HS1BP3: variants seen among roughly 807,000 people sequenced by gnomAD.
The protein encoded by HS1BP3 is HCLS1-binding protein 3.
A neutral mutation model predicts 33.5 loss-of-function variants in HS1BP3; 32 were observed. That is an observed-to-expected ratio of 0.95 (90% CI 0.72 to 1.28). The LOEUF (loss-of-function observed/expected upper bound fraction) is 1.28. Ranked by LOEUF, HS1BP3 falls within the 50% of genes most tolerant of loss-of-function variation. The pLI is 0.00. For synonymous variants in HS1BP3, 187 were observed against 209.2 expected, an observed-to-expected ratio of 0.89 and a Z score of 0.92; for missense variants, 486 against 502.3, an observed-to-expected ratio of 0.97 and a Z score of 0.31.
At chr2:20,634,927 G>A (rs1343466135) in intron 4 of HS1BP3, 1 of 152,168 alleles carries the variant, frequency 6.6e-6, no homozygotes, top group East Asian at 1.9e-4. Context: ...GCAGGCAGGT[G>A]CATTTGTTCA....
the HS1BP3 span, among the ~76,000 whole-genome samples, chr2:20,553,990 G>A: frequency 6.6e-6 from 1 of 152,178 alleles, no homozygotes; most frequent in Admixed American, 6.5e-5. Flanking sequence ...AGCAATACCA[G>A]GAACCAGAGT....
chr2:20,558,736 G>C (rs1334127290), downstream of HS1BP3, among the ~76,000 whole-genome samples: 2 of 152,202 alleles, frequency 1.3e-5, no homozygotes, highest in African/African-American at 2.4e-5. Context: ...TGCAGTGGTA[G>C]AGACACTGGA....
chr2:20,646,200 TCC>T (rs1695515515), intron 1 of HS1BP3, among the ~76,000 whole-genome samples: 1 of 152,200 alleles, frequency 6.6e-6, no homozygotes, highest in South Asian at 2.1e-4. Flanking sequence ...ATTAAATACA[TCC>T]CTCATCCTAC....
rs182823495 is a variant in HS1BP3 at position 20,608,846 on chromosome 2, T to C, written c.179-10581A>G. On this transcript the variant is annotated intron_variant, in intron 2 of 3. Coordinates refer to the HS1BP3 transcript ENST00000415264. ...GCTCTATCTTTCAAACCAAGAGTTT[T>C]TTGCGGAGTTCCTATGCCTCACTCC... 2.1e-3 allele frequency among the ~76,000 whole-genome samples: 325 copies of C among 152,206 alleles called. 3 individuals are homozygous for C. Among genetic ancestry groups the C allele is most frequent in the African/African-American group, 7.6e-3 (314 of 41,516 alleles).
intron 5 of HS1BP3, among the ~76,000 whole-genome samples, chr2:20,569,172 C>G (rs1220276201): frequency 6.6e-6 from 1 of 152,130 alleles, no homozygotes; most frequent in Non-Finnish European, 1.5e-5. Flanking sequence ...GAAAGGGAGG[C>G]CCATGTCCCA....
intron 2 of HS1BP3, among the ~76,000 whole-genome samples, chr2:20,641,874 C>T (rs889282517): frequency 6.6e-6 from 1 of 152,232 alleles, no homozygotes; most frequent in Non-Finnish European, 1.5e-5. Flanking sequence ...AGCCTTCACC[C>T]CTTCACTCAC....
At chr2:20,591,524 T>C (rs938400438), downstream of HS1BP3, among the ~76,000 whole-genome samples, 2 of 152,228 alleles carry the variant, frequency 1.3e-5, no homozygotes, top group East Asian at 1.9e-4. Flanking sequence ...TGGCCAGCCA[T>C]GCACATTGCT....
At chr2:20,584,612 T>C (rs1034334406) in intron 5 of HS1BP3, among the ~76,000 whole-genome samples, 1 of 152,212 alleles carries the variant, frequency 6.6e-6, no homozygotes, top group African/African-American at 2.4e-5. Flanking sequence ...CCTTGAAAGA[T>C]GCAGAAGCTG....
chr2:20,588,585 C>T (rs1000709905), downstream of HS1BP3, among the ~76,000 whole-genome samples: 1 of 152,182 alleles, frequency 6.6e-6, no homozygotes, highest in African/African-American at 2.4e-5. Flanking sequence ...CTCCCAAAGC[C>T]GATTTTTCTG....
chr2:20,624,637 T>C, intron 5 of HS1BP3, 95 bp downstream of exon 5: 1 of 1,145,838 alleles, frequency 8.7e-7, no homozygotes, highest in Non-Finnish European at 1.2e-6. Context: ...GGGAGATATA[T>C]GGGTCCTATT....
chr2:20,642,579 C>A (rs1695389882), intron 2 of HS1BP3, among the ~76,000 whole-genome samples: 1 of 152,234 alleles, frequency 6.6e-6, no homozygotes, highest in Non-Finnish European at 1.5e-5. Context: ...GCGCCCCCTG[C>A]TGGCCCGACT....
chr2:20,555,715 C>T (rs1692825237), downstream of HS1BP3, among the ~76,000 whole-genome samples: 1 of 151,686 alleles, frequency 6.6e-6, no homozygotes. Context: ...TCCTTTCTTC[C>T]TTCTGTGTGT....
intron 2 of HS1BP3, among the ~76,000 whole-genome samples, chr2:20,603,164 C>G (rs1042903167): frequency 6.6e-5 from 10 of 152,292 alleles, no homozygotes; most frequent in African/African-American, 2.4e-4. Flanking sequence ...AGAAAACAGT[C>G]TGGAAGTTCC....
chr2:20,622,424 A>T (rs1694634695), intron 6 of HS1BP3: 1 of 835,078 alleles, frequency 1.2e-6, no homozygotes, highest in Non-Finnish European at 1.7e-6. Flanking sequence ...GGACTCCCCA[A>T]GCGCTCTGCG....
At chr2:20,630,834 G>A (rs150133825) in intron 4 of HS1BP3, among the ~76,000 whole-genome samples, 1,767 of 152,312 alleles carry the variant, frequency 0.012, 35 homozygotes, top group African/African-American at 0.04. Flanking sequence ...AAAATGCCAA[G>A]GTGTGCAGAG....
chr2:20,571,358 G>A (rs1693268317), intron 5 of HS1BP3, among the ~76,000 whole-genome samples: 1 of 152,162 alleles, frequency 6.6e-6, no homozygotes. Context: ...CACAGCCTGA[G>A]CCCCGGGGCC....
Position 20,640,750 on chromosome 2 carries a change from G to A in HS1BP3, c.406+223C>T, listed in dbSNP as rs187406397. 9 of 617,586 alleles carry A rather than the reference G, an allele frequency of 1.5e-5. No homozygotes were observed. In the East Asian group the frequency reaches 2.2e-4, roughly 15 times the overall value. 38.3% of individuals were successfully genotyped at this position (617,586 alleles called of 1,614,324 possible). On this transcript the variant is annotated intron_variant, in intron 3 of 6. Transcript: ENST00000304031. ...GGTCACACTATGGAGAATGCCTGCTGTGTGAGCCCCCACCTGACAGCCAGA... is the reference window on the plus strand; with the variant it reads ...GGTCACACTATGGAGAATGCCTGCTATGTGAGCCCCCACCTGACAGCCAGA...
At chr2:20,577,766 G>A (rs1041360880) in intron 5 of HS1BP3, among the ~76,000 whole-genome samples, 2 of 152,222 alleles carry the variant, frequency 1.3e-5, no homozygotes, top group Non-Finnish European at 2.9e-5. Flanking sequence ...CGCATTCTTG[G>A]AGCAGCAGAT....
At chr2:20,588,308 AAC>A, downstream of HS1BP3, among the ~76,000 whole-genome samples, 4 of 152,310 alleles carry the variant, frequency 2.6e-5, no homozygotes, top group Middle Eastern at 0.014. Context: ...CATACCAAGA[AAC>A]AGTGTCTTCT....
Sources: gnomAD v4.1 joint callset for allele counts (sites outside exome capture counted in the v4.1 genomes callset) on GRCh38, gnomAD v4.1.1 for gene constraint, MANE v1.5 for transcripts, NCBI Gene and HGNC (gene_info 2026-07-23, HGNC 2026-07-21) for gene names.